Variants in SLC8A1 observed in about 807,000 individuals in gnomAD.
SLC8A1 encodes sodium/calcium exchanger 1.
SLC8A1 carries 18 observed loss-of-function variants against 68.3 expected under a neutral mutation model. The ratio of observed to expected loss-of-function variants is 0.26; its 90% confidence interval spans 0.18 to 0.39. The LOEUF (loss-of-function observed/expected upper bound fraction) is 0.39. Ranked by LOEUF, SLC8A1 falls within the 10% of genes least tolerant of loss-of-function variation. The pLI is 1.00. For synonymous variants in SLC8A1, 475 were observed against 415.5 expected (o/e 1.14, Z -1.74); for missense variants, 985 against 1,156.7 (o/e 0.85, Z 2.15).
intron 2 of SLC8A1, among the ~76,000 whole-genome samples, chr2:40,273,801 G>C (rs2066347213): frequency 6.6e-6 from 1 of 151,908 alleles, no homozygotes. Context: ...CACTCACTAA[G>C]GGGCACTTGC....
intron 2 of SLC8A1, among the ~76,000 whole-genome samples, chr2:40,200,173 G>GAGAT (rs1553407546): frequency 0.037 from 177 of 4,740 alleles, 20 homozygotes; most frequent in Admixed American, 0.2. Context: ...TCAAGTCATT[G>GAGAT]ATATATATAT....
chr2:40,137,404 T>G (rs1213724587), intron 7 of SLC8A1, among the ~76,000 whole-genome samples: 2 of 152,198 alleles, frequency 1.3e-5, no homozygotes, highest in African/African-American at 2.4e-5. Flanking sequence ...AGAGACCTAA[T>G]TTTTGCCTTT....
chr2:40,228,795 C>T lies in SLC8A1; in HGVS notation c.1809-50940G>A, dbSNP rs549675865. Reference sequence around the variant, plus strand: ...ATAGTCAAGTAACTAGACTTGATCACCAATCCAAGGTGAGGTGTCAGGGGT... The same window carrying T: ...ATAGTCAAGTAACTAGACTTGATCATCAATCCAAGGTGAGGTGTCAGGGGT... On this transcript the variant is annotated intron_variant, in intron 2 of 7. Transcript: ENST00000406785. 3.7e-4 allele frequency among the ~76,000 whole-genome samples: 56 copies of T among 152,218 alleles called. No individual in the cohort carries two copies. In the Middle Eastern group the frequency reaches 0.02, roughly 55 times the overall value.
chr2:40,390,588 C>T (rs1684954151), intron 2 of SLC8A1, among the ~76,000 whole-genome samples: 1 of 151,824 alleles, frequency 6.6e-6, no homozygotes, highest in African/African-American at 2.4e-5. Context: ...TTTTAACAAA[C>T]CTCCAGGTTA....
intron 2 of SLC8A1, among the ~76,000 whole-genome samples, chr2:40,208,097 T>A (rs1400736149): frequency 3.3e-5 from 5 of 152,084 alleles, no homozygotes; most frequent in Non-Finnish European, 7.4e-5. Context: ...AGCCAAGGAA[T>A]GAGATGAGAA....
intron 1 of SLC8A1, among the ~76,000 whole-genome samples, chr2:40,509,815 T>G (rs1393889585): frequency 8.2e-6 from 1 of 121,318 alleles, no homozygotes; most frequent in African/African-American, 3.3e-5. Context: ...AACAGCCTTT[T>G]TTTTGTTTTT....
chr2:40,465,684 G>A (rs996986527), intron 1 of SLC8A1, among the ~76,000 whole-genome samples: 1 of 152,096 alleles, frequency 6.6e-6, no homozygotes, highest in African/African-American at 2.4e-5. Flanking sequence ...CATGGAATAT[G>A]TTATATTCGT....
chr2:40,480,400 A>G (rs1704554529), intron 1 of SLC8A1, among the ~76,000 whole-genome samples: 1 of 151,838 alleles, frequency 6.6e-6, no homozygotes, highest in South Asian at 2.1e-4. Flanking sequence ...TCCCAGAGAG[A>G]CTCTCACCCC....
chr2:40,464,038 G>A (rs1482424458), intron 1 of SLC8A1, among the ~76,000 whole-genome samples: 2 of 152,048 alleles, frequency 1.3e-5, no homozygotes, highest in African/African-American at 4.8e-5. Flanking sequence ...GGGATTACAG[G>A]TGCATGCCAC....
chr2:40,451,353 C>G (rs1300956110), intron 1 of SLC8A1, among the ~76,000 whole-genome samples: 1 of 152,142 alleles, frequency 6.6e-6, no homozygotes, highest in Non-Finnish European at 1.5e-5. Context: ...GTCTCTGCCC[C>G]GCCACACCTC....
intron 2 of SLC8A1, among the ~76,000 whole-genome samples, chr2:40,371,764 T>G (rs1368107130): frequency 2.0e-5 from 3 of 151,950 alleles, no homozygotes; most frequent in East Asian, 1.9e-4. Context: ...GCAGAAAGAG[T>G]TGATCATATC....
In SLC8A1 at chr2:40,238,363, A is replaced by G. The variant is rs537542235; in HGVS notation, c.1809-60508T>C. On this transcript the variant is annotated intron_variant, in intron 2 of 7. Coordinates refer to ENST00000406785, the Ensembl canonical transcript of SLC8A1. ...GCAGTATTCGGGTGGGAGTGACCCG[A>G]TTTTCCAGGTGCTGTCCGTCACCCC... is the stretch of plus-strand genomic sequence containing the variant. Among the ~76,000 whole-genome samples the G allele has an allele frequency of 1.4e-4, 21 of 152,098 alleles. No individual in the cohort carries two copies. The South Asian group carries it at 4.4e-3, about 32-fold the overall frequency.
At chr2:40,398,590 T>C (rs1190137524) in intron 2 of SLC8A1, among the ~76,000 whole-genome samples, 1 of 152,192 alleles carries the variant, frequency 6.6e-6, no homozygotes, top group Non-Finnish European at 1.5e-5. Context: ...ATTTTATTTT[T>C]ATAAAAATGC....
chr2:40,418,018 TAATC>T (rs1179524205), intron 2 of SLC8A1, among the ~76,000 whole-genome samples: 4 of 152,200 alleles, frequency 2.6e-5, no homozygotes, highest in African/African-American at 9.6e-5. Context: ...AATAACCAAA[TAATC>T]AAAACCAGGT....
intron 2 of SLC8A1, among the ~76,000 whole-genome samples, chr2:40,397,064 G>A (rs1241572387): frequency 1.3e-5 from 2 of 152,128 alleles, no homozygotes; most frequent in East Asian, 3.9e-4. Flanking sequence ...TGCAAAGAGT[G>A]GATCCGTGGA....
exon 8 of SLC8A1, chr2:40,101,336 G>A (rs1453361475): frequency 1.3e-5 from 2 of 151,996 alleles, no homozygotes; most frequent in Non-Finnish European, 2.9e-5. Flanking sequence ...GTCATACACA[G>A]CACTCTTCAA....
chr2:40,160,882 A>T lies in SLC8A1; in HGVS notation c.2062-18T>A. 1 of 1,584,770 alleles carries T rather than the reference A, an allele frequency of 6.3e-7. No individual in the cohort carries two copies. The highest frequency in any genetic ancestry group is 8.7e-7 in the Non-Finnish European group (1 of 1,153,800). ...ACAGTACTCTAGAAATGTTGAAAAG[A>T]AAAATATAAATGCTGGGTTCGCTAA... On this transcript the variant is annotated intron_variant, in intron 5 of 7. Transcript: ENST00000406785.
At chr2:40,408,705 A>T (rs2149688881) in intron 2 of SLC8A1, among the ~76,000 whole-genome samples, 1 of 152,320 alleles carries the variant, frequency 6.6e-6, no homozygotes, top group Non-Finnish European at 1.5e-5. Flanking sequence ...GTGGTAAAAC[A>T]GCACGAAAGA....
At chr2:40,140,718 G>T (rs1278168408) in intron 6 of SLC8A1, among the ~76,000 whole-genome samples, 1 of 152,228 alleles carries the variant, frequency 6.6e-6, no homozygotes, top group African/African-American at 2.4e-5. Flanking sequence ...ATGCATCTTT[G>T]TGTCCCTGCT....
Sources: gnomAD v4.1 joint callset for allele counts (sites outside exome capture counted in the v4.1 genomes callset) on GRCh38, gnomAD v4.1.1 for gene constraint, MANE v1.5 for transcripts, NCBI Gene and HGNC (gene_info 2026-07-23, HGNC 2026-07-21) for gene names.